OPN3: variants seen among roughly 807,000 people sequenced by gnomAD.
OPN3 encodes opsin-3.
A neutral mutation model predicts 33.8 loss-of-function variants in OPN3; 29 were observed. The observed-to-expected ratio is 0.86, with a 90% CI of 0.64 to 1.17. The LOEUF (loss-of-function observed/expected upper bound fraction) is 1.17, where lower values mean the gene tolerates loss of function less well. Among genes scored for constraint, OPN3 ranks in the 50% most tolerant of loss-of-function variants. OPN3 has a pLI of 0.00. For synonymous variants in OPN3, 216 were observed against 216.1 expected (o/e 1.00, Z 0.00); for missense variants, 437 against 514.1 (o/e 0.85, Z 1.45).
intron 1 of OPN3, among the ~76,000 whole-genome samples, chr1:241,614,534 C>T (rs1369927739): frequency 6.6e-6 from 1 of 152,228 alleles, no homozygotes; most frequent in African/African-American, 2.4e-5. Flanking sequence ...ACATTTTTCA[C>T]CATAAGCATC....
chr1:241,602,844 C>T (rs1663711983), intron 2 of OPN3, among the ~76,000 whole-genome samples: 1 of 152,122 alleles, frequency 6.6e-6, no homozygotes, highest in Non-Finnish European at 1.5e-5. Flanking sequence ...GAGAGGGACA[C>T]AAACATTCAG....
chr1:241,635,319 T>C, intron 1 of OPN3: 2 of 1,614,036 alleles, frequency 1.2e-6, no homozygotes. Flanking sequence ...ATTTCGTCGC[T>C]ATTAAAATAC....
chr1:241,594,257 T>C lies in OPN3; in HGVS notation c.*171A>G. On this transcript the variant is annotated 3_prime_UTR_variant, in exon 4 of 4. Coordinates refer to ENST00000366554, the MANE Select transcript of OPN3 (RefSeq NM_014322.3). ...CCCGTTGAATTAAAAGAATTTGTTT[T>C]TGTTCAACCTCTTCCTGAGGCCCAA... 1.5e-6 allele frequency: 1 copy of C among 651,436 alleles called. No homozygotes were observed. 40.4% of individuals were successfully genotyped at this position (651,436 alleles called of 1,614,324 possible).
intron 1 of OPN3, among the ~76,000 whole-genome samples, chr1:241,615,318 C>T (rs946527828): frequency 7.9e-5 from 12 of 151,946 alleles, no homozygotes; most frequent in Non-Finnish European, 7.4e-5. Flanking sequence ...AGTGTGGTAC[C>T]ACAGATAAAA....
rs78928894 is a variant in OPN3, at chr1:241,599,992, A to T, written c.694-1995T>A. On this transcript the variant is annotated intron_variant, in intron 2 of 3. Transcript: ENST00000366554. ...TTATTGACTCTTCAGAGTTTCAATT[A>T]ACAAGCAACATAACCACATCTCAGT... Among the ~76,000 whole-genome samples the T allele has an allele frequency of 9.1e-3, 1,388 of 152,340 alleles. 23 individuals are homozygous for T. Among genetic ancestry groups the T allele is most frequent in the African/African-American group, 0.032 (1,338 of 41,574 alleles).
intron 1 of OPN3, 96 bp downstream of exon 1, chr1:241,639,786 T>A (rs1558449477): frequency 2.2e-5 from 24 of 1,068,472 alleles, no homozygotes; most frequent in Non-Finnish European, 2.8e-5. Flanking sequence ...CGGGAAGCGG[T>A]GCGGGGCGGG....
rs750194788 is a variant in OPN3 at position 241,594,378 on chromosome 1, A to G, written c.*50T>C. 1.3e-6 allele frequency: 2 copies of G among 1,577,300 alleles called. No homozygotes were observed. Among genetic ancestry groups the G allele is most frequent in the African/African-American group, 1.3e-5 (1 of 74,202 alleles). On this transcript the variant is annotated 3_prime_UTR_variant, in exon 4 of 4. Transcript: ENST00000366554. ...CAGACACTTCTTATGATGAAAGTCCAAAAGTGGCATCCAATTTAAGGCCCC... is the reference window on the plus strand; with the variant it reads ...CAGACACTTCTTATGATGAAAGTCCGAAAGTGGCATCCAATTTAAGGCCCC...
intron 1 of OPN3, among the ~76,000 whole-genome samples, chr1:241,617,305 G>A (rs1664157911): frequency 6.6e-6 from 1 of 152,198 alleles, no homozygotes; most frequent in African/African-American, 2.4e-5. Context: ...CAATGGCGAA[G>A]CTTGAGGTCT....
chr1:241,601,035 T>G (rs1321446478), intron 2 of OPN3: 1 of 151,924 alleles, frequency 6.6e-6, no homozygotes, highest in African/African-American at 2.4e-5. Context: ...GAGGAATTAG[T>G]CAAGTAAGGA....
intron 1 of OPN3, among the ~76,000 whole-genome samples, chr1:241,612,627 C>G (rs772550465): frequency 6.6e-6 from 1 of 152,174 alleles, no homozygotes; most frequent in Non-Finnish European, 1.5e-5. Flanking sequence ...CCCAGAATCA[C>G]GTAGACCCTG....
chr1:241,617,667 A>T (rs952212355), intron 1 of OPN3, among the ~76,000 whole-genome samples: 1 of 152,250 alleles, frequency 6.6e-6, no homozygotes, highest in Non-Finnish European at 1.5e-5. Context: ...CTCTTCTCTC[A>T]AGAATGAATA....
Position 241,594,320 on chromosome 1 carries a change from A to C in OPN3, c.*108T>G. The C allele has an allele frequency of 1.6e-6, 2 of 1,239,126 alleles. No individual in the cohort carries two copies. The highest frequency in any genetic ancestry group is 4.4e-5 in the Admixed American group (2 of 45,722). The allele number at this position is 1,239,126 out of a possible 1,614,324, so 76.8% of individuals were successfully genotyped here. ...AATTCGGATTTCCTGCTGGACCACAAGGTTCTGTTGATATTACATAGAACG... is the reference window on the plus strand; with the variant it reads ...AATTCGGATTTCCTGCTGGACCACACGGTTCTGTTGATATTACATAGAACG... On this transcript the variant is annotated 3_prime_UTR_variant, in exon 4 of 4. Coordinates refer to ENST00000366554, the MANE Select transcript of OPN3 (RefSeq NM_014322.3).
chr1:241,596,161 T>G (rs908637260), intron 3 of OPN3, among the ~76,000 whole-genome samples: 1 of 152,224 alleles, frequency 6.6e-6, no homozygotes, highest in Non-Finnish European at 1.5e-5. Flanking sequence ...TATAGCCCAT[T>G]GGCTGAGAGA....
intron 1 of OPN3, 116 bp downstream of exon 1, chr1:241,639,766 C>CGG: frequency 1.0e-6 from 1 of 965,152 alleles, no homozygotes; most frequent in Non-Finnish European, 1.3e-6. Flanking sequence ...GCGGGGGGCG[C>CGG]GGGGCCGAGC....
chr1:241,612,776 C>A (rs1353043593), intron 1 of OPN3, among the ~76,000 whole-genome samples: 1 of 152,212 alleles, frequency 6.6e-6, no homozygotes, highest in African/African-American at 2.4e-5. Context: ...TGAAGGATCC[C>A]ACGAGAAGCT....
chr1:241,640,256 G>A lies in OPN3; in HGVS notation c.-2C>T, dbSNP rs1558449795. The A allele has an allele frequency of 4.1e-6, 5 of 1,206,684 alleles. No homozygotes were observed. The East Asian group carries it at 1.7e-4, about 42-fold the overall frequency. 74.7% of individuals were successfully genotyped at this position (1,206,684 alleles called of 1,614,324 possible). On this transcript the variant is annotated 5_prime_UTR_variant, in exon 1 of 4. Coordinates refer to ENST00000366554, the MANE Select transcript of OPN3 (RefSeq NM_014322.3). ...GCCGCTGCGGTTCCCCGAGTACATG[G>A]CCCGGCGCCGGCGCGCCTGGCGGGC... is the stretch of plus-strand genomic sequence containing the variant.
Position 241,597,927 on chromosome 1 carries a change from T to G in OPN3, c.764A>C (p.Lys255Thr). The change falls in exon 3 of 4, where the codon AAA (lysine) becomes ACA (threonine). Residue 255 changes from lysine (K) to threonine (T), a missense_variant. Transcript: ENST00000366554. ...KILKYEKKLA[K>T]MCFLMIFTFL... is the part of the protein sequence containing the mutation. The stretch of plus-strand genomic sequence containing the variant: ...GGTGAATATCATTAAAAAGCACATT[T>G]TGGCCAGTTTCTTTTCATATTTTAA... 6.2e-7 allele frequency: 1 copy of G among 1,613,862 alleles called. No homozygotes were observed. Among genetic ancestry groups the G allele is most frequent in the Non-Finnish European group, 8.5e-7 (1 of 1,179,966 alleles).
At chr1:241,605,438 T>C (rs1025835715) in intron 1 of OPN3, among the ~76,000 whole-genome samples, 5 of 152,208 alleles carry the variant, frequency 3.3e-5, no homozygotes, top group African/African-American at 1.2e-4. Context: ...TGGGCTTGCA[T>C]GGTCTTCACG....
At chr1:241,629,872 G>A (rs1039812833) in intron 1 of OPN3, 2 of 151,870 alleles carry the variant, frequency 1.3e-5, no homozygotes, top group Non-Finnish European at 2.9e-5. Flanking sequence ...ATTCAGAAAG[G>A]TTGCTTAATA....
Sources: gnomAD v4.1 joint callset for allele counts (sites outside exome capture counted in the v4.1 genomes callset) on GRCh38, gnomAD v4.1.1 for gene constraint, MANE v1.5 for transcripts, NCBI Gene and HGNC (gene_info 2026-07-23, HGNC 2026-07-21) for gene names.